Variants in FBXO31 observed in about 807,000 individuals in gnomAD.
FBXO31 encodes F-box protein 31.
FBXO31 carries 24 observed loss-of-function variants against 54.4 expected under a neutral mutation model. That is an observed-to-expected ratio of 0.44 (90% CI 0.32 to 0.62). The LOEUF is 0.62. FBXO31 is among the 20% of genes least tolerant of loss of function. FBXO31 has a pLI of 0.05. For synonymous variants in FBXO31, 388 were observed against 335.6 expected, an observed-to-expected ratio of 1.16 and a Z score of -1.71; for missense variants, 665 against 787.1, an observed-to-expected ratio of 0.84 and a Z score of 1.86.
upstream of FBXO31, chr16:87,384,024 C>T (rs1049421648): frequency 5.6e-5 from 11 of 194,908 alleles, 1 homozygote; most frequent in Admixed American, 6.0e-4. Context: ...CGTTAGACTG[C>T]CCCGTGTGAG....
intron 1 of FBXO31, among the ~76,000 whole-genome samples, chr16:87,389,052 T>C (rs1907423304): frequency 6.6e-6 from 1 of 152,158 alleles, no homozygotes. Flanking sequence ...TTGGGTCACA[T>C]GAAATGTTTC....
intron 2 of FBXO31, among the ~76,000 whole-genome samples, chr16:87,355,860 T>C (rs985676996): frequency 6.6e-6 from 1 of 152,182 alleles, no homozygotes; most frequent in Non-Finnish European, 1.5e-5. Flanking sequence ...GAAGACTCGC[T>C]AGGCCCCAGC....
At chr16:87,362,832 C>T (rs1028953633) in intron 1 of FBXO31, among the ~76,000 whole-genome samples, 14 of 152,210 alleles carry the variant, frequency 9.2e-5, no homozygotes, top group Non-Finnish European at 1.3e-4. Context: ...GCTGGGATTA[C>T]AGGCGTGAGC....
intron 2 of FBXO31, among the ~76,000 whole-genome samples, chr16:87,350,098 G>A (rs1265275523): frequency 3.9e-5 from 6 of 152,204 alleles, no homozygotes; most frequent in African/African-American, 1.4e-4. Context: ...GAGCATGTGT[G>A]ACTGGACGAA....
At chr16:87,333,786 G>C in intron 8 of FBXO31, 100 bp downstream of exon 8, 2 of 1,488,472 alleles carry the variant, frequency 1.3e-6, no homozygotes, top group Non-Finnish European at 1.8e-6. Flanking sequence ...CCCTCTGTGA[G>C]GTCACAGGCC....
chr16:87,350,801 CT>C (rs141279822), intron 2 of FBXO31, among the ~76,000 whole-genome samples: 3,830 of 152,318 alleles, frequency 0.025, 161 homozygotes, highest in African/African-American at 0.088. Context: ...GCTAGGAACA[CT>C]GCCCAATGAG....
chr16:87,344,994 T>C, intron 3 of FBXO31, among the ~76,000 whole-genome samples: 1 of 139,978 alleles, frequency 7.1e-6, no homozygotes. Flanking sequence ...GAACCCCACC[T>C]GGGGGCAGAG....
At chr16:87,357,763 T>C (rs1396966110) in intron 2 of FBXO31, among the ~76,000 whole-genome samples, 2 of 152,106 alleles carry the variant, frequency 1.3e-5, no homozygotes, top group African/African-American at 2.4e-5. Context: ...AAACCCCATC[T>C]CTACTAAAAA....
At chr16:87,341,053 G>T (rs1237969810) in intron 5 of FBXO31, among the ~76,000 whole-genome samples, 1 of 151,976 alleles carries the variant, frequency 6.6e-6, no homozygotes, top group Non-Finnish European at 1.5e-5. Context: ...AAGACACTAG[G>T]CTGGTCTCAC....
chr16:87,341,537 G>C (rs143860704), intron 5 of FBXO31, among the ~76,000 whole-genome samples: 2,712 of 151,398 alleles, frequency 0.018, 40 homozygotes, highest in African/African-American at 0.039. Context: ...GTGCCTCTAA[G>C]CCCAGCTCCT....
intron 2 of FBXO31, among the ~76,000 whole-genome samples, chr16:87,359,635 G>C (rs1473510730): frequency 6.6e-6 from 1 of 152,316 alleles, no homozygotes; most frequent in Middle Eastern, 3.4e-3. Context: ...ATGAAAACGT[G>C]GGGTATGAGA....
rs961666297 is a variant in FBXO31, at chr16:87,345,278, C to T, written c.490-1513G>A. Among the ~76,000 whole-genome samples the T allele has an allele frequency of 2.9e-5, 4 of 135,746 alleles. No homozygotes were observed. Among genetic ancestry groups the T allele is most frequent in the African/African-American group, 5.4e-5 (2 of 37,210 alleles). 89.1% of individuals were successfully genotyped at this position (135,746 alleles called of 152,430 possible). On this transcript the variant is annotated intron_variant, in intron 3 of 8. Transcript: ENST00000311635. The surrounding 1 kb of genome is among the most constrained non-coding windows in gnomAD (Gnocchi z 4.9). ...TGCCCAGAGCTCAACAAAGTCAGGGCGGGGCTTTCCGGAAAGTTCAAGAGG... is the reference window on the plus strand; with the variant it reads ...TGCCCAGAGCTCAACAAAGTCAGGGTGGGGCTTTCCGGAAAGTTCAAGAGG...
At chr16:87,359,288 C>T (rs1322326179) in intron 2 of FBXO31, among the ~76,000 whole-genome samples, 1 of 152,196 alleles carries the variant, frequency 6.6e-6, no homozygotes, top group Non-Finnish European at 1.5e-5. Context: ...CCTGCCCTAC[C>T]CTCGGCCACA....
rs183914182 is a variant in FBXO31, at chr16:87,372,153, T to A, written c.340+11252A>T. On this transcript the variant is annotated intron_variant, in intron 1 of 8. Transcript: ENST00000311635. ...GAAGGAGGATCATATGAACCCAGGATGTGGAGGTGGCAGTGAGCCGAGATC... is the reference window on the plus strand; with the variant it reads ...GAAGGAGGATCATATGAACCCAGGAAGTGGAGGTGGCAGTGAGCCGAGATC... Among the ~76,000 whole-genome samples the A allele has an allele frequency of 1.1e-4, 16 of 152,158 alleles. No homozygotes were observed. In the East Asian group the frequency reaches 3.1e-3, roughly 29 times the overall value.
upstream of FBXO31, among the ~76,000 whole-genome samples, chr16:87,388,480 C>A (rs907680169): frequency 6.6e-6 from 1 of 152,192 alleles, no homozygotes; most frequent in Non-Finnish European, 1.5e-5. Flanking sequence ...ACGACAAAGC[C>A]GGTGGCCTCT....
At chr16:87,333,279 C>T (rs144983540) in intron 8 of FBXO31, among the ~76,000 whole-genome samples, 1 of 152,398 alleles carries the variant, frequency 6.6e-6, no homozygotes, top group East Asian at 1.9e-4. Context: ...ATGCCAGCCC[C>T]TCCCACGCAG....
intron 1 of FBXO31, among the ~76,000 whole-genome samples, chr16:87,374,393 A>G (rs901596936): frequency 6.6e-6 from 1 of 152,152 alleles, no homozygotes; most frequent in African/African-American, 2.4e-5. Flanking sequence ...AATCATCGAA[A>G]ATCGCTTTAT....
At chr16:87,356,086 G>A (rs550875287) in intron 2 of FBXO31, among the ~76,000 whole-genome samples, 36 of 152,064 alleles carry the variant, frequency 2.4e-4, no homozygotes, top group South Asian at 4.2e-4. Context: ...AAAATTAGCC[G>A]GGCGTGGTGG....
rs893211259 is a variant in FBXO31, at chr16:87,336,488, G to C, written c.733-224C>G. Among the ~76,000 whole-genome samples, 8 of 152,168 alleles carry C rather than the reference G, an allele frequency of 5.3e-5. No individual in the cohort carries two copies. The highest frequency in any genetic ancestry group is 8.8e-5 in the Non-Finnish European group (6 of 68,030). On this transcript the variant is annotated intron_variant, in intron 5 of 8. Coordinates refer to ENST00000311635, the MANE Select transcript of FBXO31 (RefSeq NM_024735.5). This position sits in a 1 kb window ranked among gnomAD's most constrained non-coding sequence, Gnocchi z 6.5. ...CCTGCCAACAAAAAGTGAAGGTTCC[G>C]GGCCCTTGGTCTGCTGGGTCGGAGG...
Sources: allele counts gnomAD v4.1 joint callset (sites outside exome capture counted in the v4.1 genomes callset), GRCh38; gene constraint gnomAD v4.1.1; non-coding constraint Gnocchi (gnomAD v3.1); transcripts MANE v1.5; gene names NCBI Gene and HGNC (gene_info 2026-07-23, HGNC 2026-07-21).